Variants in TAAR2 observed in about 807,000 individuals in gnomAD.
The protein encoded by TAAR2 is trace amine associated receptor 2.
Under a neutral mutation model 25.5 loss-of-function variants are expected in TAAR2, and 30 were observed. The observed-to-expected ratio is 1.18, with a 90% confidence interval of 0.88 to 1.60. TAAR2 has a LOEUF of 1.60. TAAR2 is among the 40% of genes most tolerant of loss of function. The probability of loss-of-function intolerance (pLI) is 0.00; values close to 1 mark genes in which losing one functional copy is unlikely to be tolerated. For synonymous variants in TAAR2, 150 were observed against 142.4 expected (o/e 1.05, Z -0.38); for missense variants, 481 against 416.5 (o/e 1.15, Z -1.35).
At chr6:132,623,747 G>T (rs945640029) in intron 1 of TAAR2, among the ~76,000 whole-genome samples, 1 of 149,468 alleles carries the variant, frequency 6.7e-6, no homozygotes, top group Admixed American at 6.7e-5. Context: ...TCATTCAAAA[G>T]TTTAACAGCT....
rs540435151 is a variant in TAAR2 at position 132,622,987 on chromosome 6, T to A, written c.60+1229A>T. On this transcript the variant is annotated intron_variant, in intron 1 of 1. Coordinates refer to ENST00000367931, the MANE Select transcript of TAAR2 (RefSeq NM_001033080.1). ...TATAATATGAATAGGCTTAGCGTAATGCCTGATATATAGCACACTATCAAA... is the reference window on the plus strand; with the variant it reads ...TATAATATGAATAGGCTTAGCGTAAAGCCTGATATATAGCACACTATCAAA... Among the ~76,000 whole-genome samples the A allele has an allele frequency of 3.3e-5, 5 of 152,298 alleles. No homozygotes were observed. The East Asian group carries it at 9.6e-4, about 29-fold the overall frequency.
chr6:132,617,360 A>G lies in TAAR2; in HGVS notation c.846T>C (p.Ile282=). 6.2e-7 allele frequency: 1 copy of G among 1,613,692 alleles called. No homozygotes were observed. Among genetic ancestry groups the G allele is most frequent in the Non-Finnish European group, 8.5e-7 (1 of 1,179,858 alleles). Residue 282 remains isoleucine, a synonymous_variant, in exon 2 of 2, where the codon ATT becomes ATC. Transcript: ENST00000367931. Reference sequence around the variant, plus strand: ...AGAAGTTCAAAAAGGGATCCAATAAAATTGTGAAGAAACAAGGAAACCAAC... The same window carrying G: ...AGAAGTTCAAAAAGGGATCCAATAAGATTGTGAAGAAACAAGGAAACCAAC... The part of the protein sequence containing the change: ...LLCWFPCFFT[I]LLDPFLNFST...
intron 1 of TAAR2, among the ~76,000 whole-genome samples, chr6:132,620,239 T>G (rs887161333): frequency 1.3e-5 from 2 of 152,212 alleles, no homozygotes; most frequent in Admixed American, 6.5e-5. Flanking sequence ...AGGGGCCTCG[T>G]CCCCACTTGC....
intron 1 of TAAR2, among the ~76,000 whole-genome samples, chr6:132,620,051 C>A (rs1411665373): frequency 1.3e-5 from 2 of 152,132 alleles, no homozygotes; most frequent in African/African-American, 4.8e-5. Flanking sequence ...TGTTCTTAGC[C>A]AGCATTAGTC....
At position 132,624,272 on chromosome 6, in the gene TAAR2, C is replaced by G; in HGVS notation, c.4G>C (p.Ala2Pro). 6.2e-7 allele frequency: 1 copy of G among 1,613,310 alleles called. No individual in the cohort carries two copies. The highest frequency in any genetic ancestry group is 8.5e-7 in the Non-Finnish European group (1 of 1,179,576). M[A>P]VSSEQHELSH... ...AGTTCATGTTGCTCTGATGAGACAG[C>G]CATGGGAGGCAAGATACCCCAGATG... is the stretch of plus-strand genomic sequence containing the variant. Residue 2 changes from alanine to proline, a missense_variant, in exon 1 of 2, where the codon GCT becomes CCT. By Grantham distance (27) the Ala-to-Pro change is conservative. Transcript: ENST00000367931.
At chr6:132,621,945 G>GT (rs1297808904) in intron 1 of TAAR2, among the ~76,000 whole-genome samples, 2 of 152,014 alleles carry the variant, frequency 1.3e-5, no homozygotes, top group Non-Finnish European at 2.9e-5. Flanking sequence ...TTCAAAAACC[G>GT]TATCTTTCAT....
Position 132,617,176 on chromosome 6 carries a change from A to G in TAAR2, c.1030T>C (p.Leu344=), listed in dbSNP as rs745406798. Reference sequence around the variant, plus strand: ...TACTCACTTTCTTTTTGCATACACAAAATAGTATTATGGAAACATGAGCTG... The same window carrying G: ...TACTCACTTTCTTTTTGCATACACAGAATAGTATTATGGAAACATGAGCTG... The part of the protein sequence containing the change: ...IFSSCFHNTI[L]CMQKESE The change falls in exon 2 of 2, where the codon TTG becomes CTG. Residue 344 remains leucine, a synonymous_variant. Coordinates refer to ENST00000367931, the MANE Select transcript of TAAR2 (RefSeq NM_001033080.1). The G allele has an allele frequency of 6.3e-7, 1 of 1,593,842 alleles. No homozygotes were observed.
In TAAR2 at chr6:132,617,866, T is replaced by C; in HGVS notation, c.340A>G (p.Thr114Ala). The change falls in exon 2 of 2, where the codon ACA becomes GCA. Residue 114 changes from threonine (T) to alanine (A), a missense_variant. Physicochemically the swap from Thr to Ala is moderately conservative, Grantham distance 58 (BLOSUM62 0). Coordinates refer to ENST00000367931, the MANE Select transcript of TAAR2 (RefSeq NM_001033080.1). Reference protein sequence around the residue: ...SVENCWYFGLTFCKIYYSFDL... With the variant: ...SVENCWYFGLAFCKIYYSFDL... ...AAACTATAATAAATCTTGCAAAATG[T>C]AAGCCCAAAATACCAGCAGTTCTCC... The C allele has an allele frequency of 6.2e-7, 1 of 1,614,088 alleles. No individual in the cohort carries two copies. Among genetic ancestry groups the C allele is most frequent in the Non-Finnish European group, 8.5e-7 (1 of 1,179,980 alleles).
chr6:132,618,676 C>G (rs1777334749), intron 1 of TAAR2, among the ~76,000 whole-genome samples: 1 of 152,038 alleles, frequency 6.6e-6, no homozygotes, highest in African/African-American at 2.4e-5. Flanking sequence ...TCCATACTTT[C>G]CTCTATACTA....
At chr6:132,620,453 A>T (rs932693410) in intron 1 of TAAR2, among the ~76,000 whole-genome samples, 1 of 152,218 alleles carries the variant, frequency 6.6e-6, no homozygotes, top group African/African-American at 2.4e-5. Flanking sequence ...TTTTATCCAG[A>T]TCTGTCTAAA....
At position 132,624,250 on chromosome 6, in the gene TAAR2, T is replaced by C; in HGVS notation, c.26A>G (p.Glu9Gly). The C allele has an allele frequency of 6.2e-7, 1 of 1,613,532 alleles. No individual in the cohort carries two copies. Among genetic ancestry groups the C allele is most frequent in the Non-Finnish European group, 8.5e-7 (1 of 1,179,678 alleles). The change falls in exon 1 of 2, where the codon GAA becomes GGA. Residue 9 changes from glutamate (E) to glycine (G), a missense_variant. Physicochemically the swap from Glu to Gly is moderately conservative, Grantham distance 98 (BLOSUM62 -2). Transcript: ENST00000367931. MAVSSEQH[E>G]LSHFKRTQTK... ...CTGTGTTCTTTTGAAATGTGAAAGT[T>C]CATGTTGCTCTGATGAGACAGCCAT... is the stretch of plus-strand genomic sequence containing the variant.
intron 1 of TAAR2, among the ~76,000 whole-genome samples, chr6:132,619,620 G>C (rs1777348955): frequency 6.6e-6 from 1 of 152,184 alleles, no homozygotes; most frequent in Admixed American, 6.5e-5. Flanking sequence ...CCCTGCAGCA[G>C]AGATTCTACA....
rs1777321241 is a variant in TAAR2 at position 132,617,924 on chromosome 6, G to T, written c.282C>A (p.Phe94Leu). The change falls in exon 2 of 2, where the codon TTC (phenylalanine) becomes TTA (leucine). Residue 94 changes from phenylalanine to leucine, a missense_variant. Phe to Leu is a conservative substitution (Grantham distance 22). Coordinates refer to ENST00000367931, the MANE Select transcript of TAAR2 (RefSeq NM_001033080.1). Reference protein sequence around the residue: ...SMAITDFLLGFTIMPYSMIRS... With the variant: ...SMAITDFLLGLTIMPYSMIRS... ...TGATCATACTATATGGCATGATGGT[G>T]AATCCCAGGAGGAAATCAGTGATGG... 1.2e-6 allele frequency: 2 copies of T among 1,613,940 alleles called. No individual in the cohort carries two copies. The highest frequency in any genetic ancestry group is 2.7e-5 in the African/African-American group (2 of 74,940).
chr6:132,618,883 GTTA>G (rs1395559162), intron 1 of TAAR2, among the ~76,000 whole-genome samples: 1 of 152,168 alleles, frequency 6.6e-6, no homozygotes, highest in Middle Eastern at 3.2e-3. Flanking sequence ...GGATCAGGAG[GTTA>G]TTATTTGAAA....
At position 132,617,334 on chromosome 6, in the gene TAAR2, G is replaced by C. The variant is rs971031328; in HGVS notation, c.872C>G (p.Ser291Cys). 4.3e-6 allele frequency: 7 copies of C among 1,613,436 alleles called. No individual in the cohort carries two copies. In the African/African-American group the frequency reaches 9.3e-5, roughly 22 times the overall value. ...TILLDPFLNF[S>C]TPVVLFDALT... Reference sequence around the variant, plus strand: ...GGCATCAAACAAAACTACAGGAGTAGAGAAGTTCAAAAAGGGATCCAATAA... The same window carrying C: ...GGCATCAAACAAAACTACAGGAGTACAGAAGTTCAAAAAGGGATCCAATAA... The change falls in exon 2 of 2, where the codon TCT becomes TGT. Residue 291 changes from serine to cysteine, a missense_variant. Ser to Cys is a moderately radical substitution (Grantham distance 112). Coordinates refer to ENST00000367931, the MANE Select transcript of TAAR2 (RefSeq NM_001033080.1).
At position 132,617,830 on chromosome 6, in the gene TAAR2, G is replaced by A; in HGVS notation, c.376C>T (p.Leu126Phe). Residue 126 changes from leucine to phenylalanine, a missense_variant, in exon 2 of 2, where the codon CTT (leucine) becomes TTT (phenylalanine). Transcript: ENST00000367931. ...AGATGAAAAATGGATGTTATGCTAA[G>A]CATCAGGTCAAAACTATAATAAATC... ...CKIYYSFDLM[L>F]SITSIFHLCS... is the part of the protein sequence containing the mutation. The A allele has an allele frequency of 1.2e-6, 2 of 1,614,034 alleles. No individual in the cohort carries two copies. The highest frequency in any genetic ancestry group is 1.7e-5 in the Admixed American group (1 of 60,002).
At chr6:132,619,539 G>C (rs933755178) in intron 1 of TAAR2, among the ~76,000 whole-genome samples, 27 of 152,110 alleles carry the variant, frequency 1.8e-4, no homozygotes, top group Non-Finnish European at 7.4e-5. Flanking sequence ...CACAAAGAGA[G>C]TAAGACATTT....
Position 132,618,045 on chromosome 6 carries a change from A to G in TAAR2, c.161T>C (p.Ile54Thr), listed in dbSNP as rs1295809152. The G allele has an allele frequency of 1.2e-6, 2 of 1,614,106 alleles. No individual in the cohort carries two copies. Among genetic ancestry groups the G allele is most frequent in the Non-Finnish European group, 1.7e-6 (2 of 1,179,972 alleles). Residue 54 changes from isoleucine to threonine, a missense_variant, in exon 2 of 2, where the codon ATA becomes ACA. Transcript: ENST00000367931. Reference sequence around the variant, plus strand: ...AAGATTGCCAAATATTGTGATGAATATGGATCCTGCCATAAATGAATACAT... The same window carrying G: ...AAGATTGCCAAATATTGTGATGAATGTGGATCCTGCCATAAATGAATACAT... ...VAMYSFMAGSIFITIFGNLAM... is the reference protein window; with the variant it reads ...VAMYSFMAGSTFITIFGNLAM...
chr6:132,622,557 C>T (rs962566164), intron 1 of TAAR2, among the ~76,000 whole-genome samples: 2 of 136,010 alleles, frequency 1.5e-5, no homozygotes, highest in African/African-American at 5.4e-5. Context: ...GCAATCTCGG[C>T]TCACTGCAAC....
Sources: allele counts gnomAD v4.1 joint callset (sites outside exome capture counted in the v4.1 genomes callset), GRCh38; gene constraint gnomAD v4.1.1; transcripts MANE v1.5; gene names NCBI Gene and HGNC (gene_info 2026-07-23, HGNC 2026-07-21).